PHC3: variants seen among roughly 807,000 people sequenced by gnomAD.
PHC3 encodes polyhomeotic homolog 3.
In PHC3, 13 loss-of-function variants were observed where a neutral mutation model predicts 107.4. The ratio of observed to expected loss-of-function variants is 0.12; its 90% confidence interval spans 0.08 to 0.19. The LOEUF is 0.19. Among genes scored for constraint, PHC3 ranks in the 10% least tolerant of loss-of-function variants. PHC3 has a pLI of 1.00. For synonymous variants in PHC3, 456 were observed against 427.4 expected, an observed-to-expected ratio of 1.07 and a Z score of -0.83; for missense variants, 992 against 1,210.9, an observed-to-expected ratio of 0.82 and a Z score of 2.68.
At chr3:170,126,504 GTATATA>G (rs1174515889) in intron 8 of PHC3, among the ~76,000 whole-genome samples, 3 of 117,306 alleles carry the variant, frequency 2.6e-5, no homozygotes, top group Admixed American at 9.4e-5. Flanking sequence ...TGCTCCATAT[GTATATA>G]TATATATATA....
In PHC3 at chr3:170,178,808, A is replaced by C; in HGVS notation, c.145T>G (p.Ser49Ala). The C allele has an allele frequency of 6.2e-7, 1 of 1,614,018 alleles. No individual in the cohort carries two copies. The highest frequency in any genetic ancestry group is 8.5e-7 in the Non-Finnish European group (1 of 1,179,886). ...SSSRMQQPQI[S>A]VYSGSDRHAV... ...TGTCGGTCTGAACCACTGTAGACAG[A>C]GATCTGTGGCTGCTGCATTCGAGAG... Residue 49 changes from serine to alanine, a missense_variant, in exon 2 of 15, where the codon TCT becomes GCT. Transcript: ENST00000495893.
At chr3:170,103,956 G>A (rs1221119499) in intron 12 of PHC3, among the ~76,000 whole-genome samples, 2 of 152,178 alleles carry the variant, frequency 1.3e-5, no homozygotes, top group Non-Finnish European at 2.9e-5. Flanking sequence ...TGTAGTCCCA[G>A]CTACTTAGAA....
chr3:170,115,361 T>A (rs1318018049), intron 10 of PHC3, among the ~76,000 whole-genome samples: 1 of 152,122 alleles, frequency 6.6e-6, no homozygotes, highest in East Asian at 1.9e-4. Context: ...TATGTATGTA[T>A]CTATAACATA....
chr3:170,142,164 T>C (rs567095264), intron 6 of PHC3, among the ~76,000 whole-genome samples: 1 of 152,368 alleles, frequency 6.6e-6, no homozygotes, highest in South Asian at 2.1e-4. Flanking sequence ...ATGAAACATT[T>C]AGTAAATGCT....
chr3:170,157,975 T>C (rs1030114047), intron 4 of PHC3, among the ~76,000 whole-genome samples: 2 of 151,802 alleles, frequency 1.3e-5, no homozygotes, highest in Admixed American at 6.6e-5. Context: ...TTAAAAATGG[T>C]AGAACATTAT....
chr3:170,107,782 C>T (rs760511501), intron 11 of PHC3, among the ~76,000 whole-genome samples: 6 of 152,000 alleles, frequency 3.9e-5, no homozygotes, highest in Non-Finnish European at 5.9e-5. Flanking sequence ...GTCCTTCTTC[C>T]ACCCTACATA....
chr3:170,172,511 C>T (rs1478792252), intron 3 of PHC3, 46 bp downstream of exon 3: 5 of 1,583,070 alleles, frequency 3.2e-6, no homozygotes, highest in Non-Finnish European at 4.3e-6. Context: ...TAACTACCTA[C>T]AGATAACAGA....
Position 170,096,068 on chromosome 3 carries a change from T to C in PHC3, c.*1162A>G, listed in dbSNP as rs1450776747. The C allele has an allele frequency of 6.6e-6, 1 of 152,208 alleles. No homozygotes were observed. The highest frequency in any genetic ancestry group is 1.5e-5 in the Non-Finnish European group (1 of 68,040). The allele number at this position is 152,208 out of a possible 1,614,324, so 9.4% of individuals were successfully genotyped here. ...GTGCACTAGTTCATAGGTATAATCA[T>C]ATTATGTCTTCGTCAGTGCAGAGGA... is the stretch of plus-strand genomic sequence containing the variant. On this transcript the variant is annotated 3_prime_UTR_variant, in exon 15 of 15. Transcript: ENST00000495893.
chr3:170,154,258 T>G (rs1173632735), intron 4 of PHC3, among the ~76,000 whole-genome samples: 1 of 152,352 alleles, frequency 6.6e-6, no homozygotes, highest in African/African-American at 2.4e-5. Context: ...ATTTCATATT[T>G]TAAGGCATAT....
Position 170,091,622 on chromosome 3 carries a change from T to A in PHC3, c.*5608A>T, listed in dbSNP as rs965803087. The A allele has an allele frequency of 2.0e-5, 3 of 152,184 alleles. No individual in the cohort carries two copies. The highest frequency in any genetic ancestry group is 7.2e-5 in the African/African-American group (3 of 41,448). 9.4% of individuals were successfully genotyped at this position (152,184 alleles called of 1,614,324 possible). A position where few individuals can be genotyped will look rare whatever the true frequency, so the allele number is the denominator to read the frequency against. Reference sequence around the variant, plus strand: ...CACTTGGAAGGGGTGTGTGCATGTGTCTGAGTAGAAAAGCTGATCTTCAGA... The same window carrying A: ...CACTTGGAAGGGGTGTGTGCATGTGACTGAGTAGAAAAGCTGATCTTCAGA... On this transcript the variant is annotated 3_prime_UTR_variant, in exon 15 of 15. Transcript: ENST00000495893.
At chr3:170,116,696 C>A (rs932442581) in intron 10 of PHC3, among the ~76,000 whole-genome samples, 1 of 152,018 alleles carries the variant, frequency 6.6e-6, no homozygotes, top group African/African-American at 2.4e-5. Context: ...CACTTTGGGA[C>A]CCCAGGAGTT....
rs1164225020 is a variant in PHC3, at chr3:170,090,345, T to C, written c.*6885A>G. ...ATATTTATTTAAGCCACAATGAATT[T>C]TGGGGGGAAGATTTTACTTACTACT... On this transcript the variant is annotated 3_prime_UTR_variant, in exon 15 of 15. Transcript: ENST00000495893. The C allele has an allele frequency of 6.6e-6, 1 of 152,220 alleles. No individual in the cohort carries two copies. The highest frequency in any genetic ancestry group is 2.4e-5 in the African/African-American group (1 of 41,456). The allele number at this position is 152,220 out of a possible 1,614,324, so 9.4% of individuals were successfully genotyped here.
At chr3:170,181,591 T>C (rs1731445695) in intron 1 of PHC3, 111 bp downstream of exon 1, 4 of 1,531,332 alleles carry the variant, frequency 2.6e-6, no homozygotes, top group Non-Finnish European at 3.6e-6. Context: ...CTCGAGTCTC[T>C]CTTTCCCCAC....
intron 7 of PHC3, among the ~76,000 whole-genome samples, chr3:170,134,465 T>C (rs931114264): frequency 2.0e-5 from 3 of 152,078 alleles, no homozygotes; most frequent in Admixed American, 6.6e-5. Flanking sequence ...GCTGGGATTA[T>C]AGATGTGAGC....
Position 170,116,891 on chromosome 3 carries a change from A to G in PHC3, c.2193+335T>C, listed in dbSNP as rs920973277. ...GCACCACTGCACTCTAGCCTGGTCA[A>G]CAGAGCAAGATCCTGTCTAAAAAAA... On this transcript the variant is annotated intron_variant, in intron 10 of 14. Transcript: ENST00000495893. 2.1e-5 allele frequency among the ~76,000 whole-genome samples: 3 copies of G among 144,610 alleles called. No individual in the cohort carries two copies. In the South Asian group the frequency reaches 7.0e-4, roughly 34 times the overall value. The allele number at this position is 144,610 out of a possible 152,430, so 94.9% of individuals were successfully genotyped here.
At chr3:170,159,713 C>T (rs2108661575) in intron 4 of PHC3, among the ~76,000 whole-genome samples, 1 of 152,266 alleles carries the variant, frequency 6.6e-6, no homozygotes, top group Admixed American at 6.5e-5. Context: ...CATCTAGACA[C>T]ATTGCCATGA....
At position 170,129,022 on chromosome 3, in the gene PHC3, A is replaced by G; in HGVS notation, c.1450T>C (p.Ser484Pro). The G allele has an allele frequency of 6.2e-7, 1 of 1,613,364 alleles. No homozygotes were observed. Among genetic ancestry groups the G allele is most frequent in the African/African-American group, 1.3e-5 (1 of 75,052 alleles). Residue 484 changes from serine to proline, a missense_variant, in exon 8 of 15, where the codon TCT becomes CCT. Ser to Pro is a moderately conservative substitution (Grantham distance 74). This residue lies in a region of PHC3 where 543 missense variants were observed against 590.8 expected (regional missense o/e 0.92). Transcript: ENST00000495893. The part of the protein sequence containing the change: ...PVVHIGPVQQ[S>P]ALVSPGQQIV... ...TGCTGGCCTGGGGATACCAAGGCAG[A>G]CTGCTGAACTGGGCCAATGTGTACA... is the stretch of plus-strand genomic sequence containing the variant.
chr3:170,168,559 A>AT (rs1729091120), intron 4 of PHC3, among the ~76,000 whole-genome samples: 1 of 152,066 alleles, frequency 6.6e-6, no homozygotes. Flanking sequence ...AGGTCAAGAG[A>AT]TTGAGACCAT....
intron 4 of PHC3, among the ~76,000 whole-genome samples, chr3:170,164,670 T>C (rs1323002214): frequency 6.6e-6 from 1 of 152,040 alleles, no homozygotes; most frequent in African/African-American, 2.4e-5. Flanking sequence ...GAAAACAACA[T>C]GGTAATGAAT....
Sources: gnomAD v4.1 joint callset for allele counts (sites outside exome capture counted in the v4.1 genomes callset) on GRCh38, gnomAD v4.1.1 for gene constraint, gnomAD v4.1.1 regional missense constraint, MANE v1.5 for transcripts, NCBI Gene and HGNC (gene_info 2026-07-23, HGNC 2026-07-21) for gene names.